The following SLC6A2 variants were observed in gnomAD, a reference collection of about 807,000 sequenced individuals.
The protein encoded by SLC6A2 is solute carrier family 6 member 2.
A neutral mutation model predicts 71.7 loss-of-function variants in SLC6A2; 26 were observed. The observed-to-expected ratio is 0.36, with a 90% CI of 0.27 to 0.50. The LOEUF is 0.50. Among genes scored for constraint, SLC6A2 ranks in the 20% least tolerant of loss-of-function variants. SLC6A2 has a pLI of 0.96. For missense variants in SLC6A2, 581 were observed against 803.9 expected (o/e 0.72, Z 3.35); for synonymous variants, 363 against 337.9 (o/e 1.07, Z -0.82).
chr16:55,698,099 C>T (rs1429013469), intron 10 of SLC6A2, 74 bp downstream of exon 10: 8 of 1,505,698 alleles, frequency 5.3e-6, no homozygotes, highest in African/African-American at 1.4e-5. Context: ...ACATTCCTAG[C>T]CTTAGAACTG....
At chr16:55,690,152 C>T (rs1283088448) in intron 5 of SLC6A2, among the ~76,000 whole-genome samples, 6 of 152,208 alleles carry the variant, frequency 3.9e-5, no homozygotes, top group African/African-American at 1.2e-4. Flanking sequence ...CAGCCATCCA[C>T]TCATCCATCC....
In SLC6A2 at chr16:55,657,113, C is replaced by A. The variant is rs375606007; in HGVS notation, c.274+145C>A. The A allele has an allele frequency of 2.4e-3, 1,962 of 816,684 alleles. 34 individuals carry two copies. In the African/African-American group the frequency reaches 0.035, roughly 15 times the overall value. The allele number at this position is 816,684 out of a possible 1,614,324, so 50.6% of individuals were successfully genotyped here. On this transcript the variant is annotated intron_variant, in intron 2 of 14. Transcript: ENST00000568943. Reference sequence around the variant, plus strand: ...CGCAGAAAGAACTGGACAGGGCTAACGGGAAAAAAAAAGATTGGAGTCCTC... The same window carrying A: ...CGCAGAAAGAACTGGACAGGGCTAAAGGGAAAAAAAAAGATTGGAGTCCTC...
At chr16:55,691,032 G>A (rs1965601393) in intron 5 of SLC6A2, among the ~76,000 whole-genome samples, 2 of 152,196 alleles carry the variant, frequency 1.3e-5, no homozygotes, top group South Asian at 4.2e-4. Context: ...AATGGTCAGA[G>A]GTTCTGCTTT....
chr16:55,663,611 C>A (rs540747812), intron 2 of SLC6A2, among the ~76,000 whole-genome samples: 51 of 152,192 alleles, frequency 3.4e-4, no homozygotes, highest in Admixed American at 5.9e-4. Context: ...GAGGTCTTAC[C>A]ATAGCTCTGT....
rs1460335419 is a variant in SLC6A2, at chr16:55,685,233, C to G, written c.735C>G (p.Val245=). ...TCTTGCTCTGTCTGATGGTCGTCGT[C>G]ATCGTCTTGTATTTTAGCCTCTGGA... The part of the protein sequence containing the change: ...WQLLLCLMVV[V]IVLYFSLWKG... Residue 245 remains valine (V), a synonymous_variant, in exon 5 of 15, where the codon GTC becomes GTG. Transcript: ENST00000568943. 1 of 1,614,164 alleles carries G rather than the reference C, an allele frequency of 6.2e-7. No homozygotes were observed. Among genetic ancestry groups the G allele is most frequent in the Admixed American group, 1.7e-5 (1 of 60,028 alleles).
chr16:55,700,080 C>T, intron 12 of SLC6A2, 59 bp from the exon 13 acceptor site: 1 of 1,468,672 alleles, frequency 6.8e-7, no homozygotes, highest in Non-Finnish European at 9.5e-7. Flanking sequence ...TTCTCTCTTT[C>T]CTTTCTTGTC....
chr16:55,662,729 C>T (rs1220195477), intron 2 of SLC6A2, among the ~76,000 whole-genome samples: 2 of 152,148 alleles, frequency 1.3e-5, no homozygotes, highest in Non-Finnish European at 2.9e-5. Flanking sequence ...AGGGGTAGCC[C>T]GGCGCCAGTT....
rs1964468165 is a variant in SLC6A2 at position 55,656,847 on chromosome 16, C to A, written c.153C>A (p.Gly51=). ...AGTGCCTGCTGGCGCCCCGCGACGG[C>A]GACGCGCAGCCCCGGGAGACCTGGG... ...GVQCLLAPRD[G]DAQPRETWGK... is the part of the protein sequence containing the mutation. Residue 51 remains glycine, a synonymous_variant, in exon 2 of 15, where the codon GGC becomes GGA. Transcript: ENST00000568943. The surrounding 1 kb of genome is among the most constrained non-coding windows in gnomAD (Gnocchi z 4.5). 1 of 1,613,594 alleles carries A rather than the reference C, an allele frequency of 6.2e-7. No individual in the cohort carries two copies. The highest frequency in any genetic ancestry group is 1.3e-5 in the African/African-American group (1 of 74,926).
intron 11 of SLC6A2, among the ~76,000 whole-genome samples, chr16:55,699,073 A>C (rs1375161408): frequency 6.6e-6 from 1 of 152,168 alleles, no homozygotes; most frequent in Non-Finnish European, 1.5e-5. Context: ...TAAATGTGTT[A>C]ATTGTTTGTT....
chr16:55,699,398 C>A (rs553215803), intron 11 of SLC6A2, among the ~76,000 whole-genome samples, 156 bp from the exon 12 acceptor site: 1 of 152,334 alleles, frequency 6.6e-6, no homozygotes, highest in African/African-American at 2.4e-5. Flanking sequence ...CCTCATTCTG[C>A]ATTACAAAGG....
At chr16:55,663,953 G>C (rs1043834366) in intron 2 of SLC6A2, among the ~76,000 whole-genome samples, 7 of 152,114 alleles carry the variant, frequency 4.6e-5, no homozygotes, top group African/African-American at 1.7e-4. Flanking sequence ...CAGGGAGACC[G>C]AGAAGAATCT....
At chr16:55,674,934 T>C (rs1965038316) in intron 4 of SLC6A2, among the ~76,000 whole-genome samples, 1 of 152,218 alleles carries the variant, frequency 6.6e-6, no homozygotes, top group African/African-American at 2.4e-5. Context: ...CCAAACTGCT[T>C]TCCACATTGG....
chr16:55,695,728 C>T (rs780019267), intron 8 of SLC6A2, among the ~76,000 whole-genome samples: 3 of 152,218 alleles, frequency 2.0e-5, no homozygotes, highest in Non-Finnish European at 4.4e-5. Flanking sequence ...TGTCAATAGA[C>T]TCACTTTACG....
At position 55,669,492 on chromosome 16, in the gene SLC6A2, T is replaced by C. The variant is rs1964845278; in HGVS notation, c.275-73T>C. 5.8e-6 allele frequency: 9 copies of C among 1,564,364 alleles called. No homozygotes were observed. In the South Asian group the frequency reaches 1.0e-4, roughly 17 times the overall value. On this transcript the variant is annotated intron_variant, in intron 2 of 14. Coordinates refer to ENST00000568943, the MANE Select transcript of SLC6A2 (RefSeq NM_001172501.3). ...AGCAGACGCCCAGGATCTTTGCAGC[T>C]CTTGCAGACACGGATCCAAGACTGG...
At chr16:55,659,900 T>C (rs1467658785) in intron 2 of SLC6A2, among the ~76,000 whole-genome samples, 1 of 152,230 alleles carries the variant, frequency 6.6e-6, no homozygotes. Context: ...ATAATGGTGC[T>C]CAGCTCAGAA....
Position 55,703,111 on chromosome 16 carries a change from C to T in SLC6A2, c.*765C>T, listed in dbSNP as rs1330052109. On this transcript the variant is annotated 3_prime_UTR_variant, in exon 15 of 15. Coordinates refer to ENST00000568943, the MANE Select transcript of SLC6A2 (RefSeq NM_001172501.3). ...GGTTCTAGGAGGTACCTGCATCAGACAAGCTGGTGGAGGCCACGTGGCAAG... is the reference window on the plus strand; with the variant it reads ...GGTTCTAGGAGGTACCTGCATCAGATAAGCTGGTGGAGGCCACGTGGCAAG... 2.3e-5 allele frequency: 23 copies of T among 985,496 alleles called. No individual in the cohort carries two copies. Among genetic ancestry groups the T allele is most frequent in the African/African-American group, 1.6e-4 (9 of 57,242 alleles). 61.0% of individuals were successfully genotyped at this position (985,496 alleles called of 1,614,324 possible).
At chr16:55,669,450 T>G in intron 2 of SLC6A2, 115 bp from the exon 3 acceptor site, 5 of 1,109,324 alleles carry the variant, frequency 4.5e-6, no homozygotes, top group Non-Finnish European at 6.9e-6. Flanking sequence ...CGCGTCGCCT[T>G]TGGAAACAGC....
At chr16:55,698,140 C>A in intron 10 of SLC6A2, 115 bp downstream of exon 10, 6 of 1,165,496 alleles carry the variant, frequency 5.1e-6, no homozygotes, top group South Asian at 1.3e-5. Flanking sequence ...AATGCAGGAT[C>A]CAGCATCCTC....
rs1371684736 is a variant in SLC6A2 at position 55,705,742 on chromosome 16, T to G, written c.*3396T>G. The G allele has an allele frequency of 1.3e-5, 2 of 152,946 alleles. No individual in the cohort carries two copies. Among genetic ancestry groups the G allele is most frequent in the African/African-American group, 4.8e-5 (2 of 41,516 alleles). The allele number at this position is 152,946 out of a possible 1,614,324, so 9.5% of individuals were successfully genotyped here. A position where few individuals can be genotyped will look rare whatever the true frequency, so the allele number is the denominator to read the frequency against. ...ACTGTAAGAATTTCCCAAAATGAAC[T>G]GATGACCAGTGATCTCTCTATCAGA... On this transcript the variant is annotated 3_prime_UTR_variant, in exon 15 of 15. Coordinates refer to ENST00000568943, the MANE Select transcript of SLC6A2 (RefSeq NM_001172501.3).
Sources: allele counts gnomAD v4.1 joint callset (sites outside exome capture counted in the v4.1 genomes callset), GRCh38; gene constraint gnomAD v4.1.1; non-coding constraint Gnocchi (gnomAD v3.1); transcripts MANE v1.5; gene names NCBI Gene and HGNC (gene_info 2026-07-23, HGNC 2026-07-21).